CDH12: variants seen among roughly 807,000 people sequenced by gnomAD.
The protein encoded by CDH12 is cadherin 12, also known as cadherin-12.
CDH12 carries 41 observed loss-of-function variants against 74.1 expected under a neutral mutation model. The observed-to-expected ratio is 0.55, with a 90% CI of 0.43 to 0.72. The LOEUF (loss-of-function observed/expected upper bound fraction) is 0.72, where lower values mean the gene tolerates loss of function less well. Ranked by LOEUF, CDH12 falls within the 30% of genes least tolerant of loss-of-function variation. The probability of loss-of-function intolerance (pLI) is 0.00; values close to 1 mark genes in which losing one functional copy is unlikely to be tolerated. For synonymous variants in CDH12, 399 were observed against 355.0 expected, an observed-to-expected ratio of 1.12 and a Z score of -1.39; for missense variants, 945 against 977.2, an observed-to-expected ratio of 0.97 and a Z score of 0.44.
chr5:22,814,342 T>C (rs1475583537), intron 1 of CDH12, among the ~76,000 whole-genome samples: 3 of 152,146 alleles, frequency 2.0e-5, no homozygotes, highest in Non-Finnish European at 4.4e-5. Context: ...TAAAATAAAA[T>C]TTTTATAACA....
intron 1 of CDH12, among the ~76,000 whole-genome samples, chr5:22,539,699 A>T (rs1738013434): frequency 6.6e-6 from 1 of 152,174 alleles, no homozygotes; most frequent in Non-Finnish European, 1.5e-5. Context: ...AAGTTTGTTA[A>T]TTTGTCCTTG....
At chr5:22,388,090 A>C (rs1004662730) in intron 3 of CDH12, among the ~76,000 whole-genome samples, 1 of 152,142 alleles carries the variant, frequency 6.6e-6, no homozygotes, top group South Asian at 2.1e-4. Flanking sequence ...TGTCCATTAC[A>C]TTAAATATTT....
chr5:22,453,997 T>G (rs1250154206), intron 2 of CDH12, among the ~76,000 whole-genome samples: 3 of 152,156 alleles, frequency 2.0e-5, no homozygotes, highest in Non-Finnish European at 4.4e-5. Flanking sequence ...ATTTTGAATA[T>G]GAGATATAAT....
chr5:22,172,356 C>T (rs1159407864), intron 4 of CDH12: 1 of 151,806 alleles, frequency 6.6e-6, no homozygotes, highest in East Asian at 1.9e-4. Flanking sequence ...CCTCTTATCT[C>T]CTCCTTGAAG....
intron 11 of CDH12, among the ~76,000 whole-genome samples, chr5:21,773,219 G>C (rs1745413601): frequency 6.6e-6 from 1 of 152,132 alleles, no homozygotes; most frequent in South Asian, 2.1e-4. Context: ...AGTTGTGATG[G>C]TTAATTTGAG....
intron 4 of CDH12, among the ~76,000 whole-genome samples, chr5:22,205,450 G>C (rs1219419385): frequency 6.6e-6 from 1 of 151,900 alleles, no homozygotes; most frequent in Non-Finnish European, 1.5e-5. Flanking sequence ...TATAGGGGCA[G>C]GTTTGTAATT....
At chr5:22,608,972 G>A (rs73062241) in intron 1 of CDH12, among the ~76,000 whole-genome samples, 1 of 152,158 alleles carries the variant, frequency 6.6e-6, no homozygotes, top group Non-Finnish European at 1.5e-5. Context: ...ACCAAAGCAG[G>A]GAACAAGGGA....
Position 22,095,887 on chromosome 5 carries a change from C to T in CDH12, c.-186-17025G>A, listed in dbSNP as rs138510703. ...TCCGTGCCCCGACCTCTTATCTCTG[C>T]ACCACGATCCCTTATTTCCGTGCCC... is the stretch of plus-strand genomic sequence containing the variant. On this transcript the variant is annotated intron_variant, in intron 4 of 14. Coordinates refer to ENST00000382254, the MANE Select transcript of CDH12 (RefSeq NM_004061.5). 8.0e-3 allele frequency among the ~76,000 whole-genome samples: 1,209 copies of T among 151,768 alleles called. 13 individuals are homozygous for T. Among genetic ancestry groups the T allele is most frequent in the African/African-American group, 0.027 (1,113 of 41,342 alleles).
intron 1 of CDH12, among the ~76,000 whole-genome samples, chr5:22,560,420 A>G (rs1738990411): frequency 6.6e-6 from 1 of 152,008 alleles, no homozygotes; most frequent in Non-Finnish European, 1.5e-5. Flanking sequence ...GGCTCTTGAA[A>G]CCTATCCCTT....
chr5:22,120,412 G>GA (rs1464265640), intron 4 of CDH12, among the ~76,000 whole-genome samples: 1 of 152,030 alleles, frequency 6.6e-6, no homozygotes, highest in Non-Finnish European at 1.5e-5. Context: ...ACATGTATGA[G>GA]AAAAATTACA....
intron 3 of CDH12, among the ~76,000 whole-genome samples, chr5:22,309,503 G>C (rs565130946): frequency 6.6e-6 from 1 of 151,980 alleles, no homozygotes; most frequent in Non-Finnish European, 1.5e-5. Flanking sequence ...ATGATGTCTC[G>C]ATATACATAT....
At chr5:22,357,502 A>C (rs1401169266) in intron 3 of CDH12, among the ~76,000 whole-genome samples, 1 of 152,170 alleles carries the variant, frequency 6.6e-6, no homozygotes, top group Non-Finnish European at 1.5e-5. Flanking sequence ...ATTAACATAA[A>C]AACGTTATCT....
intron 1 of CDH12, among the ~76,000 whole-genome samples, chr5:22,515,607 ACT>A (rs1038972144): frequency 1.3e-5 from 2 of 152,054 alleles, no homozygotes; most frequent in Non-Finnish European, 2.9e-5. Flanking sequence ...ACATACACAA[ACT>A]CACACTGAAA....
At chr5:21,764,242 C>T (rs1744881678) in intron 12 of CDH12, among the ~76,000 whole-genome samples, 1 of 151,922 alleles carries the variant, frequency 6.6e-6, no homozygotes, top group Non-Finnish European at 1.5e-5. Context: ...GGCGTGGTTG[C>T]GCGCGCCTAT....
intron 1 of CDH12, among the ~76,000 whole-genome samples, chr5:22,718,801 G>A (rs1035831602): frequency 2.0e-5 from 3 of 152,112 alleles, no homozygotes; most frequent in Non-Finnish European, 4.4e-5. Context: ...GCATTCTAGG[G>A]GGCATTCCTC....
intron 1 of CDH12, among the ~76,000 whole-genome samples, chr5:22,654,243 T>G (rs1739903146): frequency 6.6e-6 from 1 of 151,708 alleles, no homozygotes; most frequent in Admixed American, 6.6e-5. Context: ...TTTGTTTCTT[T>G]CTTTCTTTCT....
At chr5:22,605,701 T>C (rs1478703210) in intron 1 of CDH12, among the ~76,000 whole-genome samples, 3 of 152,220 alleles carry the variant, frequency 2.0e-5, no homozygotes, top group Admixed American at 1.3e-4. Context: ...GCCTTGCCTG[T>C]GTAGGGGAAA....
At chr5:22,365,414 T>A (rs1464809290) in intron 3 of CDH12, among the ~76,000 whole-genome samples, 2 of 152,240 alleles carry the variant, frequency 1.3e-5, no homozygotes, top group Non-Finnish European at 2.9e-5. Flanking sequence ...AACAGTATTA[T>A]TAAATGACTT....
chr5:22,585,435 T>G (rs751978342), intron 1 of CDH12, among the ~76,000 whole-genome samples: 6 of 152,292 alleles, frequency 3.9e-5, no homozygotes, highest in Non-Finnish European at 7.3e-5. Context: ...TGGATCTGTA[T>G]CTTTAAACAC....
Sources: allele counts gnomAD v4.1 joint callset (sites outside exome capture counted in the v4.1 genomes callset), GRCh38; gene constraint gnomAD v4.1.1; transcripts MANE v1.5; gene names NCBI Gene and HGNC (gene_info 2026-07-23, HGNC 2026-07-21).